Variants in PCDHGA1 observed in about 807,000 individuals in gnomAD.
The protein encoded by PCDHGA1 is protocadherin gamma-A1.
In PCDHGA1, 32 loss-of-function variants were observed where a neutral mutation model predicts 58.0. That is an observed-to-expected ratio of 0.55 (90% CI 0.42 to 0.74). The LOEUF (loss-of-function observed/expected upper bound fraction) is 0.74, where lower values mean the gene tolerates loss of function less well. Among genes scored for constraint, PCDHGA1 ranks in the 30% least tolerant of loss-of-function variants. PCDHGA1 has a pLI of 0.00. For missense variants in PCDHGA1, 1,205 were observed against 1,182.3 expected (o/e 1.02, Z -0.28); for synonymous variants, 498 against 501.1 (o/e 0.99, Z 0.08).
chr5:141,476,966 G>A lies in PCDHGA1; in HGVS notation c.2422-17841G>A. ...CAACGGTGAAATTATTTACTCCTTC[G>A]GCAGCCACAACCGCGCCGGCGTGCG... On this transcript the variant is annotated intron_variant, in intron 1 of 3. Transcript: ENST00000517417. This position sits in a 1 kb window ranked among gnomAD's most constrained non-coding sequence, Gnocchi z 7.6. 1 of 1,614,152 alleles carries A rather than the reference G, an allele frequency of 6.2e-7. No individual in the cohort carries two copies. The highest frequency in any genetic ancestry group is 8.5e-7 in the Non-Finnish European group (1 of 1,180,032).
In PCDHGA1 at chr5:141,331,000, T is replaced by A. The variant is rs377607515; in HGVS notation, c.316T>A (p.Phe106Ile). ...CAQSMPCLVSFNILVEDKMKL... is the reference protein window; with the variant it reads ...CAQSMPCLVSINILVEDKMKL... ...TCAGAGCATGCCGTGTCTCGTGAGT[T>A]TTAATATCCTTGTTGAGGATAAAAT... Residue 106 changes from phenylalanine (F) to isoleucine (I), a missense_variant, in exon 1 of 4, where the codon TTT (phenylalanine) becomes ATT (isoleucine). By Grantham distance (21) the Phe-to-Ile change is conservative. Transcript: ENST00000517417. 4 of 1,614,092 alleles carry A rather than the reference T, an allele frequency of 2.5e-6. No individual in the cohort carries two copies. Among genetic ancestry groups the A allele is most frequent in the Non-Finnish European group, 3.4e-6 (4 of 1,180,042 alleles).
Position 141,423,156 on chromosome 5 carries a change from CGTG to C in PCDHGA1, c.2422-71646_2422-71644del, listed in dbSNP as rs776903094. On this transcript the variant is annotated intron_variant, in intron 1 of 3. Coordinates refer to ENST00000517417, the MANE Select transcript of PCDHGA1 (RefSeq NM_018912.3). ...ACAGAGACGCGCTCAAGCAGAGCCT[CGTG>C]GTGGCCGTCCAGGACCACGGCCAGC... 8.2e-4 allele frequency: 1,328 copies of C among 1,613,396 alleles called. 15 individuals are homozygous for C. Among genetic ancestry groups the C allele is most frequent in the Admixed American group, 9.5e-4 (57 of 60,016 alleles).
intron 1 of PCDHGA1, among the ~76,000 whole-genome samples, chr5:141,347,203 G>A (rs1015236028): frequency 1.0e-5 from 1 of 98,898 alleles, no homozygotes; most frequent in Non-Finnish European, 2.0e-5. Context: ...ACTCTGTCTG[G>A]AGTGCAGTGG....
chr5:141,331,321 AC>A lies in PCDHGA1; in HGVS notation c.638del (p.Thr213LysfsTer37), dbSNP rs768729196. 6.2e-7 allele frequency: 1 copy of A among 1,614,132 alleles called. No homozygotes were observed. Among genetic ancestry groups the A allele is most frequent in the Admixed American group, 1.7e-5 (1 of 60,018 alleles). ...EEEAVHHLIL[T>X]ASDGGEPVRS... The stretch of plus-strand genomic sequence containing the variant: ...AGAAGCTGTCCACCACCTCATCCTC[AC>A]AGCTTCTGATGGGGGTGAACCAGTC... On this transcript the variant is annotated frameshift_variant, in exon 1 of 4. Transcript: ENST00000517417. LOFTEE classifies it high-confidence loss of function.
chr5:141,405,103 G>A (rs368202826), intron 1 of PCDHGA1: 2 of 1,613,922 alleles, frequency 1.2e-6, no homozygotes, highest in Non-Finnish European at 1.7e-6. Flanking sequence ...TCAGGCTGAG[G>A]CACTGGCACT....
At chr5:141,418,392 T>C (rs753094664) in intron 1 of PCDHGA1, 1 of 1,613,996 alleles carries the variant, frequency 6.2e-7, no homozygotes, top group Non-Finnish European at 8.5e-7. Context: ...AACGAGTATT[T>C]CTCATTGGTG....
In PCDHGA1 at chr5:141,489,652, C is replaced by A. The variant is rs767143028; in HGVS notation, c.2422-5155C>A. On this transcript the variant is annotated intron_variant, in intron 1 of 3. Transcript: ENST00000517417. The surrounding 1 kb of genome is among the most constrained non-coding windows in gnomAD (Gnocchi z 4.5). ...CTCTCCTAGCTTTGCCACCCCTGAG[C>A]GAGAGATGCGCATCTCAGAATCAGC... 34 of 1,614,024 alleles carry A rather than the reference C, an allele frequency of 2.1e-5. No homozygotes were observed. The Middle Eastern group carries it at 6.6e-4, about 31-fold the overall frequency.
Position 141,491,279 on chromosome 5 carries a change from T to G in PCDHGA1, c.2422-3528T>G. 1 of 1,614,110 alleles carries G rather than the reference T, an allele frequency of 6.2e-7. No individual in the cohort carries two copies. The highest frequency in any genetic ancestry group is 2.2e-5 in the East Asian group (1 of 44,878). ...GAGGAAATGCCCAAATCCAGTGACT[T>G]CCTCATACACCCTCCTGAGCGTTCA... On this transcript the variant is annotated intron_variant, in intron 1 of 3. Transcript: ENST00000517417. The surrounding 1 kb of genome is among the most constrained non-coding windows in gnomAD (Gnocchi z 6.9).
chr5:141,371,862 T>C (rs549873232), intron 1 of PCDHGA1: 34 of 1,613,560 alleles, frequency 2.1e-5, no homozygotes, highest in African/African-American at 1.5e-4. Context: ...TGTCTCCTAC[T>C]ACATCGTGGC....
At position 141,432,289 on chromosome 5, in the gene PCDHGA1, C is replaced by A. The variant is rs762278053; in HGVS notation, c.2422-62518C>A. 2 of 1,614,148 alleles carry A rather than the reference C, an allele frequency of 1.2e-6. No individual in the cohort carries two copies. Among genetic ancestry groups the A allele is most frequent in the African/African-American group, 2.7e-5 (2 of 74,952 alleles). On this transcript the variant is annotated intron_variant, in intron 1 of 3. Coordinates refer to ENST00000517417, the MANE Select transcript of PCDHGA1 (RefSeq NM_018912.3). The surrounding 1 kb of genome is among the most constrained non-coding windows in gnomAD (Gnocchi z 6.0). ...CGTCCTACGTGTCCATCAACTCCGA[C>A]ACTGGGGTACTGTATGCGCTGAGCT...
At chr5:141,461,603 G>A (rs1413122199) in intron 1 of PCDHGA1, among the ~76,000 whole-genome samples, 8 of 152,092 alleles carry the variant, frequency 5.3e-5, no homozygotes, top group African/African-American at 1.9e-4. Context: ...TTATAATTTA[G>A]TTCAAAGTAT....
chr5:141,500,186 T>A (rs1008615587), intron 2 of PCDHGA1, among the ~76,000 whole-genome samples: 7 of 99,362 alleles, frequency 7.0e-5, no homozygotes, highest in African/African-American at 3.5e-4. Flanking sequence ...ATTTTTATTT[T>A]TATTTATTTA....
chr5:141,360,300 G>A (rs746090550), intron 1 of PCDHGA1: 3 of 1,613,860 alleles, frequency 1.9e-6, no homozygotes, highest in East Asian at 2.2e-5. Flanking sequence ...AGGATCTGGG[G>A]CTCAGCGTCC....
intron 1 of PCDHGA1, among the ~76,000 whole-genome samples, chr5:141,349,666 A>G (rs531507820): frequency 6.6e-6 from 1 of 152,308 alleles, no homozygotes; most frequent in African/African-American, 2.4e-5. Context: ...AAGGGAGCTT[A>G]TTCCAATGAA....
intron 2 of PCDHGA1, among the ~76,000 whole-genome samples, chr5:141,495,943 C>T (rs998665622): frequency 3.9e-5 from 6 of 152,010 alleles, no homozygotes; most frequent in African/African-American, 1.4e-4. Flanking sequence ...GTCTCTGTGC[C>T]TGTTGTCTTT....
intron 1 of PCDHGA1, chr5:141,395,508 A>T: frequency 2.2e-6 from 1 of 461,184 alleles, no homozygotes. Context: ...CTTAAGAAGT[A>T]GCTACCCGTC....
intron 1 of PCDHGA1, among the ~76,000 whole-genome samples, chr5:141,492,341 C>T (rs2099739551): frequency 6.6e-6 from 1 of 152,222 alleles, no homozygotes; most frequent in East Asian, 1.9e-4. Flanking sequence ...CGAATACCAG[C>T]TTTCACTGCC....
At chr5:141,349,567 G>A (rs990181997) in intron 1 of PCDHGA1, among the ~76,000 whole-genome samples, 7 of 151,960 alleles carry the variant, frequency 4.6e-5, no homozygotes, top group African/African-American at 7.3e-5. Context: ...TAATAGTAAG[G>A]CTGTGATTTC....
At chr5:141,449,958 A>AT (rs962794399) in intron 1 of PCDHGA1, among the ~76,000 whole-genome samples, 8 of 148,830 alleles carry the variant, frequency 5.4e-5, no homozygotes, top group African/African-American at 2.0e-4. Context: ...CCTCATAGTA[A>AT]TTTTTTTTAG....
Sources: allele counts gnomAD v4.1 joint callset (sites outside exome capture counted in the v4.1 genomes callset), GRCh38; gene constraint gnomAD v4.1.1; non-coding constraint Gnocchi (gnomAD v3.1); transcripts MANE v1.5; gene names NCBI Gene and HGNC (gene_info 2026-07-23, HGNC 2026-07-21).